ATP13A5: variants seen among roughly 807,000 people sequenced by gnomAD.
ATP13A5 encodes the protein ATPase 13A5.
A neutral mutation model predicts 150.2 loss-of-function variants in ATP13A5; 149 were observed. The ratio of observed to expected loss-of-function variants is 0.99; its 90% CI spans 0.87 to 1.14. ATP13A5 has a LOEUF of 1.14. ATP13A5 is among the 50% of genes most tolerant of loss of function. ATP13A5 has a pLI of 0.00. For missense variants in ATP13A5, 1,383 were observed against 1,449.3 expected (o/e 0.95, Z 0.74); for synonymous variants, 497 against 522.2 (o/e 0.95, Z 0.66).
At position 193,363,334 on chromosome 3, in the gene ATP13A5, A is replaced by T. The variant is rs748395557; in HGVS notation, c.286T>A (p.Ser96Thr). 1 of 1,613,760 alleles carries T rather than the reference A, an allele frequency of 6.2e-7. No individual in the cohort carries two copies. The change falls in exon 3 of 30, where the codon TCC becomes ACC. Residue 96 changes from serine to threonine, a missense_variant. Transcript: ENST00000342358. Reference sequence around the variant, plus strand: ...TTGCTTACAGGAAACTTCAGTGTGGATAAGTAGAGGCAGAATACCTTCTTC... The same window carrying T: ...TTGCTTACAGGAAACTTCAGTGTGGTTAAGTAGAGGCAGAATACCTTCTTC... ...MRKKVFCLYL[S>T]TLKFPVSKKW...
intron 25 of ATP13A5, among the ~76,000 whole-genome samples, chr3:193,295,668 T>G (rs1718140258): frequency 6.6e-6 from 1 of 152,126 alleles, no homozygotes; most frequent in Admixed American, 6.6e-5. Flanking sequence ...CCGAGCCTTA[T>G]ATGTGAGGAC....
At chr3:193,360,774 C>G (rs1253758188) in intron 5 of ATP13A5, among the ~76,000 whole-genome samples, 1 of 152,026 alleles carries the variant, frequency 6.6e-6, no homozygotes, top group Non-Finnish European at 1.5e-5. Context: ...CCTCCCGGGT[C>G]CAAGCAATTC....
At chr3:193,326,215 G>A (rs1043270887) in intron 13 of ATP13A5, among the ~76,000 whole-genome samples, 2 of 152,314 alleles carry the variant, frequency 1.3e-5, no homozygotes, top group Admixed American at 6.5e-5. Flanking sequence ...AGAGGCCATC[G>A]CCGCTCAAAT....
chr3:193,285,312 G>A (rs537554213), intron 26 of ATP13A5, among the ~76,000 whole-genome samples, 196 bp from the exon 27 acceptor site: 3 of 152,298 alleles, frequency 2.0e-5, no homozygotes, highest in Admixed American at 2.0e-4. Flanking sequence ...TTCTTTGTCT[G>A]GCACTCCGTT....
At position 193,344,039 on chromosome 3, in the gene ATP13A5, T is replaced by G; in HGVS notation, c.831A>C (p.Glu277Asp). The G allele has an allele frequency of 6.2e-7, 1 of 1,613,210 alleles. No individual in the cohort carries two copies. Among genetic ancestry groups the G allele is most frequent in the Non-Finnish European group, 8.5e-7 (1 of 1,179,468 alleles). The change falls in exon 9 of 30, where the codon GAA becomes GAC. Residue 277 changes from glutamate to aspartate, a missense_variant. This residue lies in a region of ATP13A5 where 787 missense variants were observed against 771.9 expected (regional missense o/e 1.02). Coordinates refer to ENST00000342358, the MANE Select transcript of ATP13A5 (RefSeq NM_198505.4). ...IVKDKGLEEL[E>D]SRLLVPGDIL... is the part of the protein sequence containing the mutation. ...TGTCTCCGGGAACCAAGAGACGGGA[T>G]TCCAGCTCCTCCAAACCTACACCAA...
chr3:193,357,184 T>G (rs1476608931), intron 5 of ATP13A5, among the ~76,000 whole-genome samples: 1 of 152,164 alleles, frequency 6.6e-6, no homozygotes, highest in African/African-American at 2.4e-5. Flanking sequence ...CTAGAGGATA[T>G]TCCCTAAATA....
At chr3:193,352,710 C>T (rs575016305) in intron 6 of ATP13A5, among the ~76,000 whole-genome samples, 2 of 152,220 alleles carry the variant, frequency 1.3e-5, no homozygotes, top group African/African-American at 4.8e-5. Context: ...CCCAATTTTG[C>T]TATGAACCGA....
At chr3:193,336,880 A>T (rs1711890341) in intron 9 of ATP13A5, among the ~76,000 whole-genome samples, 1 of 152,136 alleles carries the variant, frequency 6.6e-6, no homozygotes, top group Non-Finnish European at 1.5e-5. Context: ...CTATTTCTCC[A>T]CATCCTCTCC....
intron 25 of ATP13A5, among the ~76,000 whole-genome samples, chr3:193,292,253 C>A (rs1459442297): frequency 6.6e-6 from 1 of 152,226 alleles, no homozygotes; most frequent in Non-Finnish European, 1.5e-5. Context: ...GCTTGGAGTT[C>A]TCTCTGTATT....
intron 26 of ATP13A5, among the ~76,000 whole-genome samples, chr3:193,286,014 A>G (rs560612662): frequency 2.6e-5 from 4 of 152,266 alleles, no homozygotes; most frequent in African/African-American, 9.6e-5. Context: ...GGTTTTAGTT[A>G]GATTTACAAT....
chr3:193,349,108 G>A (rs774983844), intron 7 of ATP13A5, among the ~76,000 whole-genome samples: 16 of 152,218 alleles, frequency 1.1e-4, no homozygotes, highest in Non-Finnish European at 2.1e-4. Context: ...GTTGATGAAT[G>A]AGGACTTGTG....
chr3:193,336,161 A>G (rs1048444802), intron 9 of ATP13A5, among the ~76,000 whole-genome samples: 4 of 152,160 alleles, frequency 2.6e-5, no homozygotes, highest in African/African-American at 7.2e-5. Context: ...AACTGGGAAC[A>G]AGAACTTTGA....
At chr3:193,275,323 ACAAT>A (rs753114974) in intron 29 of ATP13A5, 21 bp from the exon 30 acceptor site, 25 of 1,609,634 alleles carry the variant, frequency 1.6e-5, no homozygotes, top group South Asian at 3.3e-5. Context: ...AGATGGGAAA[ACAAT>A]CAATTTATTG....
chr3:193,279,423 C>A lies in ATP13A5; in HGVS notation c.3258G>T (p.Leu1086Phe). ...AAAACAGAATGAAAATTGTGAGGCC[C>A]AAGGCAGCTAGCAGCAGAAATGAAA... is the stretch of plus-strand genomic sequence containing the variant. ...YIFSFLLLAA[L>F]GLTIFILFSD... The change falls in exon 28 of 30, where the codon TTG becomes TTT. Residue 1086 changes from leucine to phenylalanine, a missense_variant. Leu to Phe is a conservative substitution (Grantham distance 22). Around this residue, in one of 3 missense-constraint regions of ATP13A5, gnomAD observed 568 missense variants for 621.5 expected, o/e 0.91. Coordinates refer to ENST00000342358, the MANE Select transcript of ATP13A5 (RefSeq NM_198505.4). 1.2e-6 allele frequency: 2 copies of A among 1,613,734 alleles called. No individual in the cohort carries two copies. The highest frequency in any genetic ancestry group is 8.5e-7 in the Non-Finnish European group (1 of 1,179,818).
chr3:193,329,513 A>AT (rs1711548670), intron 12 of ATP13A5, among the ~76,000 whole-genome samples: 1 of 152,178 alleles, frequency 6.6e-6, no homozygotes, highest in African/African-American at 2.4e-5. Context: ...AACATATTTC[A>AT]TAAGTCTCCC....
chr3:193,319,822 T>A (rs1456840618), intron 16 of ATP13A5, among the ~76,000 whole-genome samples: 1 of 152,222 alleles, frequency 6.6e-6, no homozygotes, highest in African/African-American at 2.4e-5. Context: ...TAGCTTGTTT[T>A]TATAAATGAA....
intron 25 of ATP13A5, among the ~76,000 whole-genome samples, chr3:193,295,082 T>C (rs1463187563): frequency 6.6e-6 from 1 of 152,118 alleles, no homozygotes; most frequent in African/African-American, 2.4e-5. Context: ...AATTTTACAT[T>C]GATCATCAAT....
At chr3:193,374,301 C>CACAGAGAG (rs1441073312) in intron 1 of ATP13A5, among the ~76,000 whole-genome samples, 1 of 144,226 alleles carries the variant, frequency 6.9e-6, no homozygotes, top group African/African-American at 2.6e-5. Context: ...CACACACACA[C>CACAGAGAG]AGAGAGAGAG....
chr3:193,341,176 C>G (rs879663776), intron 9 of ATP13A5, among the ~76,000 whole-genome samples: 23 of 135,962 alleles, frequency 1.7e-4, no homozygotes, highest in South Asian at 4.8e-4. Context: ...CCCCCCCCTC[C>G]CAAATGATAT....
Sources: allele counts gnomAD v4.1 joint callset (sites outside exome capture counted in the v4.1 genomes callset), GRCh38; gene constraint gnomAD v4.1.1; regional missense constraint gnomAD v4.1.1; transcripts MANE v1.5; gene names NCBI Gene and HGNC (gene_info 2026-07-23, HGNC 2026-07-21).